Variants in QRICH1 observed in about 807,000 individuals in gnomAD.
QRICH1 encodes transcriptional regulator QRICH1.
A neutral mutation model predicts 87.1 loss-of-function variants in QRICH1; 16 were observed. The ratio of observed to expected loss-of-function variants is 0.18; its 90% confidence interval spans 0.12 to 0.28. The LOEUF is 0.28. QRICH1 is among the 10% of genes least tolerant of loss of function. The probability of loss-of-function intolerance (pLI) is 1.00; values close to 1 mark genes in which losing one functional copy is unlikely to be tolerated. For missense variants in QRICH1, 647 were observed against 951.7 expected, an observed-to-expected ratio of 0.68 and a Z score of 4.21; for synonymous variants, 367 against 368.4, an observed-to-expected ratio of 1.00 and a Z score of 0.05.
chr3:49,065,811 G>C (rs367573755), intron 2 of QRICH1, among the ~76,000 whole-genome samples: 2 of 152,128 alleles, frequency 1.3e-5, no homozygotes, highest in African/African-American at 4.8e-5. Context: ...CTCTCAAGTA[G>C]CTGGGACTAC....
At chr3:49,088,013 A>G (rs1179487979) in intron 1 of QRICH1, among the ~76,000 whole-genome samples, 2 of 150,248 alleles carry the variant, frequency 1.3e-5, no homozygotes, top group Non-Finnish European at 3.0e-5. Flanking sequence ...ATGCAGTGGC[A>G]CAATCTCGGC....
At chr3:49,048,498 A>AC (rs1232410483) in intron 3 of QRICH1, among the ~76,000 whole-genome samples, 51 of 146,238 alleles carry the variant, frequency 3.5e-4, no homozygotes, top group Non-Finnish European at 4.7e-4. Flanking sequence ...AAAAAAAAAA[A>AC]CCCACCCTGG....
chr3:49,079,485 A>T (rs1008420488), intron 1 of QRICH1, among the ~76,000 whole-genome samples: 10 of 147,990 alleles, frequency 6.8e-5, no homozygotes, highest in Non-Finnish European at 1.5e-4. Flanking sequence ...TAAATATAAA[A>T]ATATTATAAT....
At chr3:49,084,404 C>A (rs753989362) in intron 1 of QRICH1, among the ~76,000 whole-genome samples, 25 of 151,794 alleles carry the variant, frequency 1.6e-4, no homozygotes, top group Admixed American at 9.2e-4. Context: ...TACGGGCACC[C>A]GCCACCATGC....
rs780020498 is a variant in QRICH1, at chr3:49,057,725, G to A, written c.475C>T (p.Pro159Ser). Residue 159 changes from proline (P) to serine (S), a missense_variant, in exon 3 of 10, where the codon CCC (proline) becomes TCC (serine). Around this residue, in one of 7 missense-constraint regions of QRICH1, gnomAD observed 156 missense variants for 164.5 expected, o/e 0.95. Transcript: ENST00000395443. This position sits in a 1 kb window ranked among gnomAD's most constrained non-coding sequence, Gnocchi z 5.4. ...GCTGCTTGCAGCTGCGAGGGACTGG[G>A]ACTCTGCAGAGACGGGGTCTGAATG... ...PSIQTPSLQS[P>S]SPSQLQAAQI... 4 of 1,614,084 alleles carry A rather than the reference G, an allele frequency of 2.5e-6. No individual in the cohort carries two copies. The highest frequency in any genetic ancestry group is 3.4e-6 in the Non-Finnish European group (4 of 1,180,042).
intron 2 of QRICH1, among the ~76,000 whole-genome samples, chr3:49,070,878 A>C (rs566096807): frequency 1.1e-4 from 16 of 152,250 alleles, no homozygotes; most frequent in African/African-American, 3.6e-4. Context: ...TTAGGGAGAA[A>C]GACGAACGTT....
In QRICH1 at chr3:49,029,768, CAG is replaced by C. The variant is rs1183186290; in HGVS notation, c.*682_*683del. On this transcript the variant is annotated 3_prime_UTR_variant, in exon 10 of 10. Coordinates refer to ENST00000395443, the MANE Select transcript of QRICH1 (RefSeq NM_198880.3). ...CTAGAGTAAGAATACATAAGAGAAA[CAG>C]AGTGGTATCTTTATATGATACACAA... 1.0e-5 allele frequency: 3 copies of C among 296,288 alleles called. No individual in the cohort carries two copies. Among genetic ancestry groups the C allele is most frequent in the African/African-American group, 2.2e-5 (1 of 45,564 alleles). The allele number at this position is 296,288 out of a possible 1,614,324, so 18.4% of individuals were successfully genotyped here. A position where few individuals can be genotyped will look rare whatever the true frequency, so the allele number is the denominator to read the frequency against.
intron 2 of QRICH1, among the ~76,000 whole-genome samples, chr3:49,059,304 G>A (rs1032590528): frequency 6.6e-6 from 1 of 151,738 alleles, no homozygotes; most frequent in African/African-American, 2.4e-5. Flanking sequence ...CTGTTGCCCA[G>A]GTTAGAGTAC....
chr3:49,073,738 C>T (rs944780082), intron 2 of QRICH1, among the ~76,000 whole-genome samples: 11 of 151,542 alleles, frequency 7.3e-5, no homozygotes, highest in African/African-American at 2.7e-4. Flanking sequence ...CCTCCACCTC[C>T]CAGGCTCAAG....
chr3:49,044,010 T>C (rs566598408), intron 6 of QRICH1, among the ~76,000 whole-genome samples: 2 of 152,302 alleles, frequency 1.3e-5, no homozygotes, highest in South Asian at 2.1e-4. Flanking sequence ...GAATAACCTA[T>C]GCTTTTGTTC....
chr3:49,088,534 G>A (rs1166638653), intron 1 of QRICH1, among the ~76,000 whole-genome samples: 2 of 149,952 alleles, frequency 1.3e-5, no homozygotes, highest in Non-Finnish European at 3.0e-5. Flanking sequence ...CTGACCTCAG[G>A]TGAGGAGTTC....
intron 3 of QRICH1, among the ~76,000 whole-genome samples, chr3:49,052,972 G>A (rs1163862141): frequency 6.6e-6 from 1 of 152,198 alleles, no homozygotes; most frequent in Non-Finnish European, 1.5e-5. Context: ...TAGTATCAGT[G>A]ATTATCATCT....
In QRICH1 at chr3:49,032,793, C is replaced by T; in HGVS notation, c.1896-20G>A. On this transcript the variant is annotated intron_variant, in intron 7 of 9. Transcript: ENST00000395443. ...AAGTACCTGGATCACAAGTAAAATG[C>T]AAGGCAGAGGGAGGGGTGCCGGGAG... is the stretch of plus-strand genomic sequence containing the variant. 6.3e-7 allele frequency: 1 copy of T among 1,598,364 alleles called. No homozygotes were observed.
chr3:49,033,398 T>A, intron 6 of QRICH1, 170 bp from the exon 7 acceptor site: 2 of 409,462 alleles, frequency 4.9e-6, no homozygotes, highest in Non-Finnish European at 8.6e-6. Flanking sequence ...CACAGATAGC[T>A]GGGTCCCAAT....
chr3:49,055,052 TTC>T (rs1345367407), intron 3 of QRICH1, among the ~76,000 whole-genome samples: 3 of 152,152 alleles, frequency 2.0e-5, no homozygotes, highest in African/African-American at 7.2e-5. Flanking sequence ...AAATCCTGAG[TTC>T]TTACTTTTCA....
Position 49,057,241 on chromosome 3 carries a change from C to T in QRICH1, c.959G>A (p.Gly320Glu), listed in dbSNP as rs1168988601. ...TIPVYSAQPRGDPQQQSITHI... is the reference protein window; with the variant it reads ...TIPVYSAQPREDPQQQSITHI... ...GGTAATGCTCTGCTGCTGAGGGTCC[C>T]CCCGGGGCTGGGCAGAATAAACAGG... The change falls in exon 3 of 10, where the codon GGG becomes GAG. Residue 320 changes from glycine (G) to glutamate (E), a missense_variant. Around this residue, in one of 7 missense-constraint regions of QRICH1, gnomAD observed 75 missense variants for 141.0 expected, o/e 0.53. Transcript: ENST00000395443. This position sits in a 1 kb window ranked among gnomAD's most constrained non-coding sequence, Gnocchi z 5.4. 4 of 1,614,168 alleles carry T rather than the reference C, an allele frequency of 2.5e-6. No homozygotes were observed. Among genetic ancestry groups the T allele is most frequent in the Non-Finnish European group, 3.4e-6 (4 of 1,180,024 alleles).
intron 2 of QRICH1, among the ~76,000 whole-genome samples, chr3:49,063,299 C>G (rs1308026738): frequency 6.6e-6 from 1 of 152,188 alleles, no homozygotes; most frequent in Non-Finnish European, 1.5e-5. Context: ...GCAGCAGCAT[C>G]CAGGCACTCA....
Position 49,066,281 on chromosome 3 carries a change from C to T in QRICH1, c.310-8391G>A, listed in dbSNP as rs569097851. On this transcript the variant is annotated intron_variant, in intron 2 of 9. Transcript: ENST00000395443. The stretch of plus-strand genomic sequence containing the variant: ...CTGGCATGAGTGACAGTGAGACCTC[C>T]ATCTCAGAAAAAAATAAGGGTAAGG... Among the ~76,000 whole-genome samples, 425 of 151,584 alleles carry T rather than the reference C, an allele frequency of 2.8e-3. 4 individuals are homozygous for T. Among genetic ancestry groups the T allele is most frequent in the African/African-American group, 9.8e-3 (404 of 41,350 alleles).
intron 6 of QRICH1, among the ~76,000 whole-genome samples, chr3:49,035,244 T>C (rs527744945): frequency 2.5e-4 from 38 of 152,294 alleles, no homozygotes; most frequent in African/African-American, 9.1e-4. Flanking sequence ...TTATTTTTTT[T>C]GATTTTTAGT....
Sources: gnomAD v4.1 joint callset for allele counts (sites outside exome capture counted in the v4.1 genomes callset) on GRCh38, gnomAD v4.1.1 for gene constraint, gnomAD v4.1.1 regional missense constraint, Gnocchi (gnomAD v3.1) non-coding constraint, MANE v1.5 for transcripts, NCBI Gene and HGNC (gene_info 2026-07-23, HGNC 2026-07-21) for gene names.